Variants in PIP4K2A observed in about 807,000 individuals in gnomAD.
PIP4K2A encodes the protein phosphatidylinositol 5-phosphate 4-kinase type-2 alpha.
In PIP4K2A, 14 loss-of-function variants were observed where a neutral mutation model predicts 42.9. That is an observed-to-expected ratio of 0.33 (90% CI 0.22 to 0.51). PIP4K2A has a LOEUF of 0.51. Among genes scored for constraint, PIP4K2A ranks in the 20% least tolerant of loss-of-function variants. The probability of loss-of-function intolerance (pLI) is 0.97; values close to 1 mark genes in which losing one functional copy is unlikely to be tolerated. For missense variants in PIP4K2A, 434 were observed against 519.8 expected (o/e 0.83, Z 1.61); for synonymous variants, 192 against 192.2 (o/e 1.00, Z 0.01).
At chr10:22,656,478 G>A (rs1041490727) in intron 1 of PIP4K2A, among the ~76,000 whole-genome samples, 1 of 152,150 alleles carries the variant, frequency 6.6e-6, no homozygotes, top group Non-Finnish European at 1.5e-5. Context: ...TGGTGAACAC[G>A]GTAAGGCTGG....
rs146500351 is a variant in PIP4K2A at position 22,554,736 on chromosome 10, G to A, written c.679-3964C>T. ...TCAGAGCCTCTAAGTAAGGCGGGACGATTGCTGTACGACCCTCTGTACTTG... is the reference window on the plus strand; with the variant it reads ...TCAGAGCCTCTAAGTAAGGCGGGACAATTGCTGTACGACCCTCTGTACTTG... On this transcript the variant is annotated intron_variant, in intron 6 of 9. Coordinates refer to ENST00000376573, the MANE Select transcript of PIP4K2A (RefSeq NM_005028.5). 3.6e-3 allele frequency among the ~76,000 whole-genome samples: 549 copies of A among 152,346 alleles called. 2 individuals carry two copies. Among genetic ancestry groups the A allele is most frequent in the African/African-American group, 0.012 (486 of 41,592 alleles).
chr10:22,615,624 T>C (rs973326430), intron 1 of PIP4K2A, among the ~76,000 whole-genome samples: 1 of 152,248 alleles, frequency 6.6e-6, no homozygotes, highest in Non-Finnish European at 1.5e-5. Context: ...TTTTTGAGTT[T>C]ATTAAAATTT....
chr10:22,597,469 C>T (rs1236951918), intron 3 of PIP4K2A, among the ~76,000 whole-genome samples: 2 of 152,118 alleles, frequency 1.3e-5, no homozygotes, highest in Non-Finnish European at 2.9e-5. Flanking sequence ...TTCTTGTTTT[C>T]CTCCTGTCAC....
rs141467224 is a variant in PIP4K2A at position 22,536,600 on chromosome 10, G to T, written c.*601C>A. On this transcript the variant is annotated 3_prime_UTR_variant, in exon 10 of 10. Coordinates refer to ENST00000376573, the MANE Select transcript of PIP4K2A (RefSeq NM_005028.5). ...AGTGTTAGGGAGAGTGTCTGCGTGC[G>T]GGGTAGAAATGGAACATTCGCTGTA... 2 of 154,308 alleles carry T rather than the reference G, an allele frequency of 1.3e-5. No homozygotes were observed. Among genetic ancestry groups the T allele is most frequent in the Non-Finnish European group, 2.9e-5 (2 of 70,126 alleles). The allele number at this position is 154,308 out of a possible 1,614,324, so 9.6% of individuals were successfully genotyped here.
chr10:22,660,192 C>T (rs1468334259), intron 1 of PIP4K2A, among the ~76,000 whole-genome samples: 1 of 152,100 alleles, frequency 6.6e-6, no homozygotes, highest in Non-Finnish European at 1.5e-5. Context: ...TTACTGAGGA[C>T]GGACACGGTG....
chr10:22,591,203 G>A (rs565213023), intron 4 of PIP4K2A, among the ~76,000 whole-genome samples: 6 of 152,236 alleles, frequency 3.9e-5, no homozygotes, highest in Non-Finnish European at 5.9e-5. Context: ...TGTGAATGGC[G>A]TGGGCCCTGC....
intron 7 of PIP4K2A, among the ~76,000 whole-genome samples, chr10:22,547,990 A>C (rs747542010): frequency 1.2e-4 from 18 of 152,180 alleles, no homozygotes; most frequent in Non-Finnish European, 1.9e-4. Context: ...CAGATCTCCT[A>C]CTCGAGGCAT....
At chr10:22,604,020 CACA>C (rs1174387690) in intron 3 of PIP4K2A, among the ~76,000 whole-genome samples, 5 of 152,104 alleles carry the variant, frequency 3.3e-5, no homozygotes, top group African/African-American at 4.8e-5. Context: ...CACACACACA[CACA>C]CACACACACA....
intron 1 of PIP4K2A, among the ~76,000 whole-genome samples, chr10:22,617,237 G>A (rs565249453): frequency 1.3e-5 from 2 of 152,142 alleles, no homozygotes; most frequent in Admixed American, 6.5e-5. Context: ...ACACTGGCAG[G>A]AAAAGAGAGG....
intron 1 of PIP4K2A, among the ~76,000 whole-genome samples, chr10:22,706,987 T>TA (rs376971797): frequency 0.016 from 2,314 of 147,612 alleles, 50 homozygotes; most frequent in African/African-American, 0.049. Context: ...TTTAAGATAT[T>TA]AAAAAAAAAA....
chr10:22,552,159 G>A lies in PIP4K2A; in HGVS notation c.679-1387C>T, dbSNP rs1836426138. On this transcript the variant is annotated intron_variant, in intron 6 of 9. Coordinates refer to ENST00000376573, the MANE Select transcript of PIP4K2A (RefSeq NM_005028.5). ...TCAATTCAATCAGCAGTTACTGAGT[G>A]AGTCAAGTAGAGAGATGCAAATATG... Among the ~76,000 whole-genome samples, 4 of 152,194 alleles carry A rather than the reference G, an allele frequency of 2.6e-5. No homozygotes were observed. In the South Asian group the frequency reaches 8.3e-4, roughly 31 times the overall value.
chr10:22,537,855 G>C (rs1317139059), intron 9 of PIP4K2A, among the ~76,000 whole-genome samples: 1 of 152,176 alleles, frequency 6.6e-6, no homozygotes, highest in Non-Finnish European at 1.5e-5. Flanking sequence ...CCGTAACCAG[G>C]TGAGGCACAA....
intron 1 of PIP4K2A, among the ~76,000 whole-genome samples, chr10:22,664,064 T>TATATATATATAC (rs1564459758): frequency 1.3e-5 from 1 of 77,800 alleles, no homozygotes; most frequent in African/African-American, 1.1e-4. Flanking sequence ...TATATATACA[T>TATATATATATAC]ATATATATAT....
At position 22,564,216 on chromosome 10, in the gene PIP4K2A, A is replaced by T. The variant is rs114463669; in HGVS notation, c.678+3635T>A. Among the ~76,000 whole-genome samples, 645 of 152,268 alleles carry T rather than the reference A, an allele frequency of 4.2e-3. 8 individuals are homozygous for T. The highest frequency in any genetic ancestry group is 0.015 in the African/African-American group (614 of 41,522). On this transcript the variant is annotated intron_variant, in intron 6 of 9. Transcript: ENST00000376573. ...TGCAGGAACCGTTACAGATACAGGA[A>T]GTCAAATACGTGTGGCTTTCCTCTC...
chr10:22,614,932 T>C (rs1200112568), intron 1 of PIP4K2A, among the ~76,000 whole-genome samples: 1 of 152,196 alleles, frequency 6.6e-6, no homozygotes, highest in Non-Finnish European at 1.5e-5. Flanking sequence ...ACTTCAATAT[T>C]TTATATAGCG....
In PIP4K2A at chr10:22,714,338, A is replaced by C. The variant is rs374950445; in HGVS notation, c.-12T>G. 78 of 1,586,952 alleles carry C rather than the reference A, an allele frequency of 4.9e-5. No individual in the cohort carries two copies. The highest frequency in any genetic ancestry group is 6.6e-5 in the Non-Finnish European group (77 of 1,166,636). ...CCGGGGGTCGCCATGGCCGCCTCCT[A>C]TGTCCCCTCCACCGCCGTGCTCCCG... On this transcript the variant is annotated 5_prime_UTR_variant, in exon 1 of 10. Transcript: ENST00000376573.
chr10:22,677,722 C>G (rs1295299069), intron 1 of PIP4K2A, among the ~76,000 whole-genome samples: 1 of 152,220 alleles, frequency 6.6e-6, no homozygotes, highest in Non-Finnish European at 1.5e-5. Flanking sequence ...AAACTATTCA[C>G]TTAGCTTACT....
intron 8 of PIP4K2A, among the ~76,000 whole-genome samples, chr10:22,541,305 C>A (rs1836106516): frequency 6.6e-6 from 1 of 152,196 alleles, no homozygotes; most frequent in Non-Finnish European, 1.5e-5. Context: ...AGGGAGAGGG[C>A]TGTTGGTAAT....
intron 2 of PIP4K2A, 30 bp from the exon 3 acceptor site, chr10:22,608,053 C>G (rs775699907): frequency 2.1e-6 from 3 of 1,428,160 alleles, no homozygotes; most frequent in Admixed American, 3.4e-5. Context: ...GAATAAAGCT[C>G]AGAGAGAGTC....
Sources: allele counts gnomAD v4.1 joint callset (sites outside exome capture counted in the v4.1 genomes callset), GRCh38; gene constraint gnomAD v4.1.1; transcripts MANE v1.5; gene names NCBI Gene and HGNC (gene_info 2026-07-23, HGNC 2026-07-21).